The following TP53BP2 variants were observed in gnomAD, a reference collection of about 807,000 sequenced individuals.
TP53BP2 encodes apoptosis-stimulating of p53 protein 2.
TP53BP2 carries 62 observed loss-of-function variants against 126.2 expected under a neutral mutation model. That is an observed-to-expected ratio of 0.49 (90% CI 0.40 to 0.61). TP53BP2 has a LOEUF of 0.61. Among genes scored for constraint, TP53BP2 ranks in the 20% least tolerant of loss-of-function variants. TP53BP2 has a pLI of 0.00. For missense variants in TP53BP2, 1,215 were observed against 1,402.8 expected (o/e 0.87, Z 2.14); for synonymous variants, 485 against 502.9 (o/e 0.96, Z 0.48).
At chr1:223,836,614 G>A (rs1436504962) in intron 1 of TP53BP2, among the ~76,000 whole-genome samples, 1 of 152,192 alleles carries the variant, frequency 6.6e-6, no homozygotes, top group Non-Finnish European at 1.5e-5. Context: ...GGAGAGGGAA[G>A]AGACACATTG....
chr1:223,817,632 T>C (rs1168186657), intron 2 of TP53BP2, among the ~76,000 whole-genome samples: 2 of 152,090 alleles, frequency 1.3e-5, no homozygotes, highest in Non-Finnish European at 2.9e-5. Flanking sequence ...GGGGAAATTA[T>C]GTGATAATTT....
chr1:223,838,681 A>G (rs969439375), intron 1 of TP53BP2, among the ~76,000 whole-genome samples: 7 of 152,242 alleles, frequency 4.6e-5, no homozygotes, highest in African/African-American at 1.7e-4. Context: ...TTTGCCATCA[A>G]AGGTGATGGT....
At chr1:223,831,278 G>T (rs1379784521) in intron 1 of TP53BP2, among the ~76,000 whole-genome samples, 1 of 146,418 alleles carries the variant, frequency 6.8e-6, no homozygotes, top group Non-Finnish European at 1.5e-5. Context: ...CCTGTAGTCC[G>T]TCCTAGCTAC....
chr1:223,845,666 G>C lies in TP53BP2; in HGVS notation c.15C>G (p.Ser5=). MRFG[S]KMMPMFLTVY... Reference sequence around the variant, plus strand: ...CTCGCCCACTTACCGGCATCATCTTGGACCCGAACCGCATGGAAGCGGGTG... The same window carrying C: ...CTCGCCCACTTACCGGCATCATCTTCGACCCGAACCGCATGGAAGCGGGTG... The change falls in exon 1 of 18, where the codon TCC becomes TCG. Residue 5 remains serine, a synonymous_variant. Coordinates refer to ENST00000343537, the MANE Select transcript of TP53BP2 (RefSeq NM_001031685.3). 1.9e-6 allele frequency: 3 copies of C among 1,552,486 alleles called. No homozygotes were observed. The highest frequency in any genetic ancestry group is 2.6e-6 in the Non-Finnish European group (3 of 1,156,660).
At chr1:223,788,226 G>A (rs1358651581) in intron 16 of TP53BP2, among the ~76,000 whole-genome samples, 1 of 152,122 alleles carries the variant, frequency 6.6e-6, no homozygotes, top group Non-Finnish European at 1.5e-5. Flanking sequence ...CAGCAGAGAG[G>A]GCAGAGGCGT....
intron 2 of TP53BP2, among the ~76,000 whole-genome samples, chr1:223,815,540 G>A (rs1663055679): frequency 6.6e-6 from 1 of 152,148 alleles, no homozygotes; most frequent in Non-Finnish European, 1.5e-5. Context: ...GAACTCAAAG[G>A]AAGTAAAGTA....
intron 3 of TP53BP2, among the ~76,000 whole-genome samples, chr1:223,813,949 T>C (rs1662998249): frequency 6.6e-6 from 1 of 152,078 alleles, no homozygotes; most frequent in Admixed American, 6.5e-5. Context: ...ATCCTTCCTC[T>C]TGTCTAAGAG....
rs1010459392 is a variant in TP53BP2, at chr1:223,784,051, A to C, written c.3363+64T>G. On this transcript the variant is annotated intron_variant, in intron 17 of 17. Coordinates refer to ENST00000343537, the MANE Select transcript of TP53BP2 (RefSeq NM_001031685.3). ...TTGGTGCACTGTACACATAACATAC[A>C]GCAGTTTTTACAAAGCCCCTCTCTG... The C allele has an allele frequency of 4.2e-6, 6 of 1,413,754 alleles. No individual in the cohort carries two copies. In the Admixed American group the frequency reaches 1.0e-4, roughly 24 times the overall value. The allele number at this position is 1,413,754 out of a possible 1,614,324, so 87.6% of individuals were successfully genotyped here. A position where few individuals can be genotyped will look rare whatever the true frequency, so the allele number is the denominator to read the frequency against.
chr1:223,818,911 G>A (rs1004245357), intron 2 of TP53BP2, among the ~76,000 whole-genome samples: 13 of 151,630 alleles, frequency 8.6e-5, no homozygotes, highest in Admixed American at 7.9e-4. Context: ...TGTGCCAGAT[G>A]CAGTGGCTCA....
chr1:223,792,303 CTTT>C (rs1195441290), intron 15 of TP53BP2, 83 bp downstream of exon 15: 6 of 1,454,070 alleles, frequency 4.1e-6, no homozygotes, highest in East Asian at 5.0e-5. Flanking sequence ...TGACATACTT[CTTT>C]GTCTTCCAAC....
intron 17 of TP53BP2, 21 bp downstream of exon 17, chr1:223,784,094 G>A (rs377657826): frequency 1.1e-4 from 178 of 1,610,946 alleles, no homozygotes; most frequent in Middle Eastern, 6.6e-4. Context: ...TGAAAACACC[G>A]TAAGCGTCAG....
intron 1 of TP53BP2, among the ~76,000 whole-genome samples, chr1:223,824,279 T>A (rs1663414941): frequency 1.3e-5 from 2 of 152,240 alleles, no homozygotes; most frequent in African/African-American, 2.4e-5. Flanking sequence ...TATTTAAAAG[T>A]ACAATTAAAA....
At chr1:223,825,532 G>A (rs1239667413) in intron 1 of TP53BP2, among the ~76,000 whole-genome samples, 2 of 152,130 alleles carry the variant, frequency 1.3e-5, no homozygotes, top group African/African-American at 2.4e-5. Flanking sequence ...ACTGCTAAAC[G>A]GTATGGCATG....
At chr1:223,795,717 A>T in intron 13 of TP53BP2, 98 bp downstream of exon 13, 1 of 1,207,890 alleles carries the variant, frequency 8.3e-7, no homozygotes, top group Non-Finnish European at 1.1e-6. Flanking sequence ...GGAATCGTAA[A>T]ATAAAAATGC....
Position 223,845,689 on chromosome 1 carries a change from G to A in TP53BP2, c.-9C>T, listed in dbSNP as rs1020673991. The A allele has an allele frequency of 3.2e-6, 5 of 1,544,734 alleles. No homozygotes were observed. In the African/African-American group the frequency reaches 5.7e-5, roughly 18 times the overall value. On this transcript the variant is annotated 5_prime_UTR_variant, in exon 1 of 18. Transcript: ENST00000343537. ...TTGGACCCGAACCGCATGGAAGCGG[G>A]TGGCCAGACTGCGGCCCCGGCCGAG...
intron 15 of TP53BP2, among the ~76,000 whole-genome samples, chr1:223,791,764 A>G (rs1440182381): frequency 6.6e-6 from 1 of 152,220 alleles, no homozygotes; most frequent in Non-Finnish European, 1.5e-5. Context: ...ACACAATGTA[A>G]CTTAAAACTT....
At chr1:223,825,006 T>A (rs765534038) in intron 1 of TP53BP2, among the ~76,000 whole-genome samples, 3 of 139,688 alleles carry the variant, frequency 2.1e-5, no homozygotes, top group Non-Finnish European at 4.5e-5. Flanking sequence ...CTAGGAACCC[T>A]ACCTAGAATT....
At chr1:223,803,959 T>C (rs1662623534) in intron 6 of TP53BP2, among the ~76,000 whole-genome samples, 1 of 152,092 alleles carries the variant, frequency 6.6e-6, no homozygotes, top group South Asian at 2.1e-4. Flanking sequence ...AAAACTGCAG[T>C]AAATTATATT....
chr1:223,835,358 ATC>A (rs903012145), intron 1 of TP53BP2, among the ~76,000 whole-genome samples: 30 of 152,350 alleles, frequency 2.0e-4, no homozygotes, highest in Admixed American at 1.4e-3. Context: ...CTGCTTCAAT[ATC>A]TGTCATAAAC....
Sources: gnomAD v4.1 joint callset for allele counts (sites outside exome capture counted in the v4.1 genomes callset) on GRCh38, gnomAD v4.1.1 for gene constraint, MANE v1.5 for transcripts, NCBI Gene and HGNC (gene_info 2026-07-23, HGNC 2026-07-21) for gene names.